USP34: variants seen among roughly 807,000 people sequenced by gnomAD.
USP34 encodes the protein ubiquitin specific peptidase 34.
Under a neutral mutation model 460.3 loss-of-function variants are expected in USP34, and 70 were observed. The observed-to-expected ratio is 0.15, with a 90% CI of 0.13 to 0.19. The LOEUF is 0.19. USP34 is among the 10% of genes least tolerant of loss of function. USP34 has a pLI of 1.00. For missense variants in USP34, 3,985 were observed against 4,236.2 expected (o/e 0.94, Z 1.65); for synonymous variants, 1,647 against 1,405.3 (o/e 1.17, Z -3.85).
intron 2 of USP34, among the ~76,000 whole-genome samples, chr2:61,419,451 C>T (rs1443380088): frequency 6.6e-6 from 1 of 152,114 alleles, no homozygotes; most frequent in East Asian, 1.9e-4. Flanking sequence ...TGAAAATCTC[C>T]TTTATAATTT....
At chr2:61,385,997 C>CAAAAAAAA (rs58518474) in intron 5 of USP34, among the ~76,000 whole-genome samples, 3 of 99,450 alleles carry the variant, frequency 3.0e-5, no homozygotes, top group Non-Finnish European at 2.1e-5. Context: ...ACTCTGTCTC[C>CAAAAAAAA]AAAAAAAAAA....
At position 61,284,857 on chromosome 2, in the gene USP34, A is replaced by T; in HGVS notation, c.4832+18T>A. On this transcript the variant is annotated intron_variant, in intron 35 of 79. Coordinates refer to ENST00000398571, the MANE Select transcript of USP34 (RefSeq NM_014709.4). ...CCTGCTATACATACACACATAAAAT[A>T]TATCTTAAAATGCATACCTAGGAGC... 6 of 1,587,700 alleles carry T rather than the reference A, an allele frequency of 3.8e-6. No individual in the cohort carries two copies. The highest frequency in any genetic ancestry group is 4.3e-6 in the Non-Finnish European group (5 of 1,163,970).
intron 11 of USP34, 79 bp downstream of exon 11, chr2:61,350,489 A>C: frequency 6.4e-7 from 1 of 1,562,196 alleles, no homozygotes; most frequent in South Asian, 1.2e-5. Flanking sequence ...CAATAAAATG[A>C]AAGTTAAATT....
Position 61,296,850 on chromosome 2 carries a change from G to A in USP34, c.4204C>T (p.Pro1402Ser). Residue 1402 changes from proline to serine, a missense_variant, in exon 30 of 80, where the codon CCT becomes TCT. By Grantham distance (74) the Pro-to-Ser change is moderately conservative. This residue lies in a region of USP34 where 1,114 missense variants were observed against 1,122.5 expected (regional missense o/e 0.99). Coordinates refer to ENST00000398571, the MANE Select transcript of USP34 (RefSeq NM_014709.4). ...RRVWELLMLL[P>S]TCPNMLMAFQ... is the part of the protein sequence containing the mutation. The stretch of plus-strand genomic sequence containing the variant: ...GCCATCAACATATTAGGACATGTAG[G>A]AAGAAGCATCAGTAGCTCCCAGACC... The A allele has an allele frequency of 6.2e-7, 1 of 1,613,900 alleles. No homozygotes were observed. The highest frequency in any genetic ancestry group is 8.5e-7 in the Non-Finnish European group (1 of 1,179,914).
chr2:61,337,399 CTT>C (rs11306660), intron 18 of USP34, among the ~76,000 whole-genome samples: 12 of 149,248 alleles, frequency 8.0e-5, no homozygotes, highest in African/African-American at 2.5e-4. Flanking sequence ...ATCCTTTCTA[CTT>C]TTTTTTTTTG....
chr2:61,336,316 G>A (rs1452514885), intron 18 of USP34, among the ~76,000 whole-genome samples: 3 of 151,760 alleles, frequency 2.0e-5, no homozygotes, highest in African/African-American at 7.3e-5. Flanking sequence ...CTGTAGAGAT[G>A]GGGTCTTCCT....
At position 61,414,273 on chromosome 2, in the gene USP34, T is replaced by A. The variant is rs565819682; in HGVS notation, c.131+6473A>T. 4.7e-4 allele frequency among the ~76,000 whole-genome samples: 69 copies of A among 147,882 alleles called. No individual in the cohort carries two copies. The East Asian group carries it at 8.5e-3, about 18-fold the overall frequency. On this transcript the variant is annotated intron_variant, in intron 2 of 79. Transcript: ENST00000398571. ...TATAAAATAAATAAATAAATAACTT[T>A]AAAAAAAAAAAGAGTATGAAGGAAA...
chr2:61,311,154 C>T (rs1690580128), intron 27 of USP34, among the ~76,000 whole-genome samples: 1 of 152,098 alleles, frequency 6.6e-6, no homozygotes, highest in East Asian at 1.9e-4. Context: ...ATCTCCAATG[C>T]AACAGGTTTT....
chr2:61,443,518 T>G (rs1191452194), intron 1 of USP34, among the ~76,000 whole-genome samples: 1 of 148,642 alleles, frequency 6.7e-6, no homozygotes, highest in African/African-American at 2.5e-5. Context: ...TATCAAGACA[T>G]GAAAATACAT....
intron 9 of USP34, 42 bp from the exon 10 acceptor site, chr2:61,370,455 T>A (rs921507556): frequency 1.2e-6 from 2 of 1,612,902 alleles, no homozygotes; most frequent in Non-Finnish European, 1.7e-6. Context: ...AAAATATTCT[T>A]CTCTATCAAT....
chr2:61,312,294 T>C (rs537944698), intron 25 of USP34, among the ~76,000 whole-genome samples: 4 of 151,064 alleles, frequency 2.6e-5, no homozygotes, highest in Non-Finnish European at 5.9e-5. Flanking sequence ...GGAAAAAAGA[T>C]ATTAAGAAAA....
chr2:61,338,340 T>C (rs1404877052), intron 18 of USP34, among the ~76,000 whole-genome samples: 1 of 152,118 alleles, frequency 6.6e-6, no homozygotes, highest in Non-Finnish European at 1.5e-5. Context: ...AAAGAATGAA[T>C]ACCAAAGGAG....
chr2:61,193,133 G>T, intron 75 of USP34, 153 bp from the exon 76 acceptor site: 1 of 600,902 alleles, frequency 1.7e-6, no homozygotes, highest in Non-Finnish European at 2.9e-6. Flanking sequence ...TCATTCCAAT[G>T]TTTAGTGAAA....
chr2:61,307,543 A>T (rs1409525600), intron 27 of USP34, among the ~76,000 whole-genome samples: 6 of 152,000 alleles, frequency 3.9e-5, no homozygotes, highest in Non-Finnish European at 8.8e-5. Flanking sequence ...AGTTTATAAG[A>T]CTTGGATGTT....
At chr2:61,429,887 C>A (rs149072179) in intron 1 of USP34, among the ~76,000 whole-genome samples, 337 of 151,954 alleles carry the variant, frequency 2.2e-3, no homozygotes, top group African/African-American at 7.1e-3. Flanking sequence ...CATGGTGACA[C>A]CCTGTCTCCA....
chr2:61,421,589 C>G (rs1265729344), intron 1 of USP34, among the ~76,000 whole-genome samples: 1 of 152,148 alleles, frequency 6.6e-6, no homozygotes, highest in Non-Finnish European at 1.5e-5. Flanking sequence ...ATTTTTGAGG[C>G]TTATCAGCTT....
chr2:61,315,086 A>G (rs949929915), intron 23 of USP34, 112 bp from the exon 24 acceptor site: 2 of 670,300 alleles, frequency 3.0e-6, no homozygotes, highest in African/African-American at 3.7e-5. Flanking sequence ...TTCAGCTATT[A>G]AATAATAAAA....
intron 1 of USP34, among the ~76,000 whole-genome samples, chr2:61,424,616 C>G (rs1372145446): frequency 6.6e-6 from 1 of 152,184 alleles, no homozygotes; most frequent in East Asian, 1.9e-4. Flanking sequence ...TCGCTCATGT[C>G]TGTAATCCCA....
At chr2:61,352,348 A>G (rs905280838) in intron 10 of USP34, among the ~76,000 whole-genome samples, 16 of 151,888 alleles carry the variant, frequency 1.1e-4, no homozygotes, top group Non-Finnish European at 1.5e-5. Flanking sequence ...ACTATACACT[A>G]TATGTAATAC....
Sources: allele counts gnomAD v4.1 joint callset (sites outside exome capture counted in the v4.1 genomes callset), GRCh38; gene constraint gnomAD v4.1.1; regional missense constraint gnomAD v4.1.1; transcripts MANE v1.5; gene names NCBI Gene and HGNC (gene_info 2026-07-23, HGNC 2026-07-21).